The following PLCZ1 variants were observed in gnomAD, a reference collection of about 807,000 sequenced individuals.
The protein encoded by PLCZ1 is phospholipase C zeta 1.
In PLCZ1, 64 loss-of-function variants were observed where a neutral mutation model predicts 76.8. The ratio of observed to expected loss-of-function variants is 0.83; its 90% confidence interval spans 0.68 to 1.03. The LOEUF is 1.03. PLCZ1 is among the 50% of genes least tolerant of loss of function. The pLI is 0.00. For synonymous variants in PLCZ1, 248 were observed against 230.8 expected, an observed-to-expected ratio of 1.07 and a Z score of -0.68; for missense variants, 751 against 713.7, an observed-to-expected ratio of 1.05 and a Z score of -0.60.
At chr12:18,652,272 T>C in the PLCZ1 span, among the ~76,000 whole-genome samples, 1 of 152,116 alleles carries the variant, frequency 6.6e-6, no homozygotes. Flanking sequence ...TATAAGTATA[T>C]GACTGATATA....
intron 7 of PLCZ1, 97 bp from the exon 8 acceptor site, chr12:18,701,873 T>C: frequency 6.0e-6 from 9 of 1,498,370 alleles, no homozygotes; most frequent in Non-Finnish European, 8.0e-6. Flanking sequence ...CCAATTAGCC[T>C]ACAGTAATAA....
At chr12:18,676,433 C>T in the PLCZ1 span, among the ~76,000 whole-genome samples, 6 of 152,218 alleles carry the variant, frequency 3.9e-5, no homozygotes, top group African/African-American at 1.4e-4. Flanking sequence ...ACATTGACCC[C>T]TTGCTTCTTC....
At chr12:18,693,341 G>A (rs931640105) in intron 12 of PLCZ1, 13 of 1,571,236 alleles carry the variant, frequency 8.3e-6, no homozygotes, top group Non-Finnish European at 1.1e-5. Context: ...CAGATACTGG[G>A]GGGTTGGACA....
intron 9 of PLCZ1, 114 bp from the exon 10 acceptor site, chr12:18,700,064 TA>T (rs1479229449): frequency 2.7e-5 from 24 of 889,570 alleles, no homozygotes; most frequent in Admixed American, 4.5e-5. Context: ...TTCATAAGAT[TA>T]TCTCCTCAAA....
intron 2 of PLCZ1, among the ~76,000 whole-genome samples, chr12:18,736,968 A>G (rs1959392960): frequency 6.6e-6 from 1 of 152,174 alleles, no homozygotes; most frequent in East Asian, 1.9e-4. Context: ...AAATTTTTAA[A>G]AGCTTACTTA....
At chr12:18,728,052 A>C (rs111699045) in intron 3 of PLCZ1, among the ~76,000 whole-genome samples, 4,760 of 152,270 alleles carry the variant, frequency 0.031, 238 homozygotes, top group African/African-American at 0.11. Context: ...AAAGGAGGAA[A>C]GACAGTTTAA....
the PLCZ1 span, among the ~76,000 whole-genome samples, chr12:18,651,999 T>C: frequency 1.3e-5 from 2 of 152,154 alleles, no homozygotes; most frequent in East Asian, 1.9e-4. Context: ...ATATTTATTA[T>C]TGGAGGAGAA....
intron 6 of PLCZ1, among the ~76,000 whole-genome samples, chr12:18,712,311 C>T (rs1957439649): frequency 6.6e-6 from 1 of 152,086 alleles, no homozygotes; most frequent in Non-Finnish European, 1.5e-5. Flanking sequence ...GAGTAGGATT[C>T]ATAAACTGAG....
At chr12:18,646,843 C>A in the PLCZ1 span, among the ~76,000 whole-genome samples, 1 of 151,872 alleles carries the variant, frequency 6.6e-6, no homozygotes, top group Non-Finnish European at 1.5e-5. Flanking sequence ...TTTACCACTG[C>A]AGGTTGCCGA....
At chr12:18,737,276 C>G (rs1172135712) in intron 2 of PLCZ1, 85 bp downstream of exon 2, 1 of 1,445,638 alleles carries the variant, frequency 6.9e-7, no homozygotes, top group African/African-American at 1.4e-5. Context: ...AAATTCAGAA[C>G]TCCTCGAAAA....
intron 4 of PLCZ1, among the ~76,000 whole-genome samples, chr12:18,722,761 A>G (rs1440168279): frequency 3.9e-5 from 6 of 152,098 alleles, no homozygotes; most frequent in South Asian, 2.1e-4. Context: ...CCAAATCACT[A>G]TGTGTTCAAA....
At chr12:18,699,141 G>A (rs1337249786) in intron 10 of PLCZ1, among the ~76,000 whole-genome samples, 1 of 152,260 alleles carries the variant, frequency 6.6e-6, no homozygotes, top group Admixed American at 6.5e-5. Context: ...AGAGACAGAT[G>A]GCACCTCTAC....
At chr12:18,720,849 A>G (rs10770394) in intron 4 of PLCZ1, among the ~76,000 whole-genome samples, 67,433 of 151,878 alleles carry the variant, frequency 0.44, 17,740 homozygotes, top group East Asian at 0.64. Flanking sequence ...ATGATACAAT[A>G]CTAAGCAGCC....
intron 6 of PLCZ1, among the ~76,000 whole-genome samples, chr12:18,706,894 C>T (rs1054550201): frequency 1.3e-5 from 2 of 152,204 alleles, no homozygotes; most frequent in African/African-American, 4.8e-5. Context: ...AAATCAGTTT[C>T]ACTGGTCTCA....
chr12:18,736,771 G>T, intron 2 of PLCZ1: 3 of 918,704 alleles, frequency 3.3e-6, no homozygotes, highest in Non-Finnish European at 4.6e-6. Flanking sequence ...GGAAGCATTA[G>T]ATGAATTCCT....
At chr12:18,650,296 T>TAA in the PLCZ1 span, among the ~76,000 whole-genome samples, 7 of 12,418 alleles carry the variant, frequency 5.6e-4, no homozygotes, top group South Asian at 0.067. Context: ...CCCAAATTTC[T>TAA]CTCTCTCTCT....
At chr12:18,684,386 T>C (rs1174833532) in intron 13 of PLCZ1, 107 bp from the exon 14 acceptor site, 1 of 1,062,622 alleles carries the variant, frequency 9.4e-7, no homozygotes, top group Non-Finnish European at 1.4e-6. Context: ...TTAACAATAA[T>C]ATCTTGTGTT....
intron 3 of PLCZ1, among the ~76,000 whole-genome samples, chr12:18,734,051 T>C (rs986827602): frequency 6.6e-6 from 1 of 152,202 alleles, no homozygotes; most frequent in Non-Finnish European, 1.5e-5. Flanking sequence ...ACATTGAATC[T>C]ATAGATCACC....
the PLCZ1 span, among the ~76,000 whole-genome samples, chr12:18,659,575 T>C: frequency 6.6e-6 from 1 of 152,152 alleles, no homozygotes; most frequent in Non-Finnish European, 1.5e-5. Flanking sequence ...ATGTATTTTA[T>C]AGTGAAAGGA....
Sources: gnomAD v4.1 joint callset for allele counts (sites outside exome capture counted in the v4.1 genomes callset) on GRCh38, gnomAD v4.1.1 for gene constraint, MANE v1.5 for transcripts, NCBI Gene and HGNC (gene_info 2026-07-23, HGNC 2026-07-21) for gene names.